Variants in ZNF254 observed in about 807,000 individuals in gnomAD.
ZNF254 encodes the protein CTD-2017D11.1.
In ZNF254, 10 loss-of-function variants were observed where a neutral mutation model predicts 12.4. The ratio of observed to expected loss-of-function variants is 0.80; its 90% CI spans 0.50 to 1.36. The LOEUF is 1.36. ZNF254 is among the 40% of genes most tolerant of loss of function. The pLI, the probability that ZNF254 is intolerant of heterozygous loss-of-function variation, is 0.00. For missense variants in ZNF254, 996 were observed against 763.9 expected (o/e 1.30, Z -3.58); for synonymous variants, 305 against 253.4 (o/e 1.20, Z -1.93).
chr19:24,069,066 G>C (rs570087279), intron 2 of ZNF254, among the ~76,000 whole-genome samples: 28 of 152,028 alleles, frequency 1.8e-4, no homozygotes, highest in African/African-American at 6.5e-4. Context: ...AAGTGCAGTG[G>C]CATGATCTCA....
chr19:24,053,313 A>G (rs1266745194), intron 2 of ZNF254, among the ~76,000 whole-genome samples: 1 of 152,176 alleles, frequency 6.6e-6, no homozygotes, highest in African/African-American at 2.4e-5. Flanking sequence ...CAACATACAG[A>G]GGGTATTTTG....
chr19:24,121,507 C>CT (rs1386653252), intron 3 of ZNF254, among the ~76,000 whole-genome samples: 1 of 150,886 alleles, frequency 6.6e-6, no homozygotes, highest in Non-Finnish European at 1.5e-5. Context: ...AGCCATATGT[C>CT]TTTTTCCAGT....
chr19:24,043,571 A>C (rs895246848), intron 1 of ZNF254, among the ~76,000 whole-genome samples: 6 of 152,100 alleles, frequency 3.9e-5, no homozygotes, highest in Non-Finnish European at 8.8e-5. Context: ...CAAAGCAAAA[A>C]ATTTTAAGAA....
chr19:24,059,644 G>A (rs1970996499), intron 2 of ZNF254, among the ~76,000 whole-genome samples: 1 of 102,686 alleles, frequency 9.7e-6, no homozygotes, highest in African/African-American at 3.6e-5. Context: ...TTTGGCACTG[G>A]GGCCACAACC....
intron 2 of ZNF254, among the ~76,000 whole-genome samples, chr19:24,067,444 C>T (rs1443855714): frequency 6.6e-6 from 1 of 151,492 alleles, no homozygotes; most frequent in Non-Finnish European, 1.5e-5. Flanking sequence ...TTTGACATAT[C>T]GCTGGGCCCA....
intron 1 of ZNF254, among the ~76,000 whole-genome samples, chr19:24,036,309 G>A (rs1969966324): frequency 6.6e-6 from 1 of 151,784 alleles, no homozygotes; most frequent in Non-Finnish European, 1.5e-5. Context: ...CACCCGCCTC[G>A]GCCTCCCAAA....
intron 2 of ZNF254, among the ~76,000 whole-genome samples, chr19:24,074,173 C>T (rs1354828271): frequency 6.6e-6 from 1 of 152,192 alleles, no homozygotes. Flanking sequence ...TGGGTTCTGC[C>T]TAAAGGAAGC....
chr19:24,084,025 T>C (rs543053045), upstream of ZNF254, among the ~76,000 whole-genome samples: 144 of 151,920 alleles, frequency 9.5e-4, 1 homozygote, highest in African/African-American at 3.4e-3. Context: ...ATGAGTAAGA[T>C]ACTTGCACAT....
rs148896519 is a variant in ZNF254 at position 24,123,102 on chromosome 19, AGTCT to A, written c.254-3145_254-3142del. Among the ~76,000 whole-genome samples, 685 of 152,302 alleles carry A rather than the reference AGTCT, an allele frequency of 4.5e-3. 2 individuals are homozygous for A. The highest frequency in any genetic ancestry group is 0.014 in the Middle Eastern group (4 of 294). On this transcript the variant is annotated intron_variant, in intron 3 of 3. Transcript: ENST00000357002. ...TGAGAAATTTGAAAAACATTCATTA[AGTCT>A]GTCTGTTGCATTGAGCTGGATGGAC...
intron 2 of ZNF254, among the ~76,000 whole-genome samples, chr19:24,046,862 CTTT>C (rs756475156): frequency 2.1e-5 from 3 of 139,826 alleles, no homozygotes; most frequent in Non-Finnish European, 4.7e-5. Flanking sequence ...TTCATCTTTC[CTTT>C]TTTTTTTTTT....
intron 1 of ZNF254, chr19:24,104,190 G>A (rs1335409074): frequency 2.0e-5 from 3 of 152,108 alleles, no homozygotes; most frequent in Non-Finnish European, 2.9e-5. Flanking sequence ...AGGGCGCCTG[G>A]GGACAAAAAG....
rs774994329 is a variant in ZNF254, at chr19:24,126,516, T to G, written c.516T>G (p.Pro172=). ...ATAAATTTTTAAATTCAAACAGACC[T>G]AAGATAAGACATACTGAAAAGAAAT... ...VFYKFLNSNR[P]KIRHTEKKSF... The change falls in exon 4 of 4, where the codon CCT becomes CCG. Residue 172 remains proline, a synonymous_variant. Coordinates refer to ENST00000357002, the MANE Select transcript of ZNF254 (RefSeq NM_203282.4). 6.3e-7 allele frequency: 1 copy of G among 1,595,902 alleles called. No individual in the cohort carries two copies.
rs964027379 is a variant in ZNF254, at chr19:24,128,235, C to T, written c.*255C>T. ...CAGTGTGAACAACGTGGCCAAGCTT[C>T]GACAATGCTCACACCCTATTGCACA... On this transcript the variant is annotated 3_prime_UTR_variant, in exon 4 of 4. Transcript: ENST00000357002. The T allele has an allele frequency of 2.8e-5, 11 of 399,744 alleles. No homozygotes were observed. The highest frequency in any genetic ancestry group is 8.3e-5 in the African/African-American group (4 of 48,206). 24.8% of individuals were successfully genotyped at this position (399,744 alleles called of 1,614,324 possible).
chr19:24,063,548 C>T (rs769194125), intron 2 of ZNF254, among the ~76,000 whole-genome samples: 4 of 152,120 alleles, frequency 2.6e-5, no homozygotes, highest in South Asian at 2.1e-4. Flanking sequence ...CTGAGTCCAA[C>T]GACCAGGTGA....
intron 1 of ZNF254, among the ~76,000 whole-genome samples, chr19:24,043,625 T>C (rs1418717814): frequency 1.3e-5 from 2 of 152,158 alleles, no homozygotes; most frequent in Non-Finnish European, 2.9e-5. Context: ...GTTTATATCA[T>C]TAAATGTTTT....
chr19:24,039,955 G>A (rs1348472942), intron 1 of ZNF254, among the ~76,000 whole-genome samples: 1 of 152,232 alleles, frequency 6.6e-6, no homozygotes. Context: ...TTTTGGTTAA[G>A]TCGGTTGTTA....
intron 3 of ZNF254, among the ~76,000 whole-genome samples, chr19:24,125,353 G>A (rs1481520265): frequency 7.0e-6 from 1 of 142,488 alleles, no homozygotes; most frequent in Non-Finnish European, 1.5e-5. Flanking sequence ...AGTTGTTTCT[G>A]TTCCCATTTT....
Position 24,074,885 on chromosome 19 carries a change from A to G in ZNF254, c.-94+28606A>G, listed in dbSNP as rs574259252. Among the ~76,000 whole-genome samples, 4 of 152,142 alleles carry G rather than the reference A, an allele frequency of 2.6e-5. No individual in the cohort carries two copies. In the South Asian group the frequency reaches 8.3e-4, roughly 32 times the overall value. On this transcript the variant is annotated intron_variant, in intron 2 of 4. Coordinates refer to the ZNF254 transcript ENST00000613065. Reference sequence around the variant, plus strand: ...TGAGCCTCTCACTTAGATGATGTGAATTTTCTGCTAGGGCTGTTTTCCCAG... The same window carrying G: ...TGAGCCTCTCACTTAGATGATGTGAGTTTTCTGCTAGGGCTGTTTTCCCAG...
At chr19:24,093,878 T>C (rs1241173674) in intron 1 of ZNF254, among the ~76,000 whole-genome samples, 1 of 152,220 alleles carries the variant, frequency 6.6e-6, no homozygotes, top group Non-Finnish European at 1.5e-5. Context: ...TGGGGGGCAG[T>C]ATGATCATTT....
Sources: allele counts gnomAD v4.1 joint callset (sites outside exome capture counted in the v4.1 genomes callset), GRCh38; gene constraint gnomAD v4.1.1; transcripts MANE v1.5; gene names NCBI Gene and HGNC (gene_info 2026-07-23, HGNC 2026-07-21).